The following ARHGEF28 variants were observed in gnomAD, a reference collection of about 807,000 sequenced individuals.
The protein encoded by ARHGEF28 is Rho guanine nucleotide exchange factor 28, also known as 190 kDa guanine nucleotide exchange factor.
ARHGEF28 carries 152 observed loss-of-function variants against 206.6 expected under a neutral mutation model. That is an observed-to-expected ratio of 0.74 (90% CI 0.64 to 0.84). The LOEUF (loss-of-function observed/expected upper bound fraction) is 0.84. Ranked by LOEUF, ARHGEF28 falls within the 40% of genes least tolerant of loss-of-function variation. The pLI is 0.00. For missense variants in ARHGEF28, 2,028 were observed against 2,073.2 expected (o/e 0.98, Z 0.42); for synonymous variants, 763 against 776.4 (o/e 0.98, Z 0.29).
At chr5:73,755,763 C>T (rs58742113) in intron 4 of ARHGEF28, among the ~76,000 whole-genome samples, 18,333 of 152,118 alleles carry the variant, frequency 0.12, 2,543 homozygotes, top group African/African-American at 0.34. Context: ...CGCTTGACAA[C>T]TCATGTTGTC....
chr5:73,906,986 A>G (rs1762591918), intron 33 of ARHGEF28, among the ~76,000 whole-genome samples: 1 of 152,224 alleles, frequency 6.6e-6, no homozygotes, highest in Non-Finnish European at 1.5e-5. Flanking sequence ...CAATAATTAC[A>G]TGAATTTCAT....
chr5:73,767,091 G>A (rs945593527), intron 4 of ARHGEF28, among the ~76,000 whole-genome samples: 9 of 152,224 alleles, frequency 5.9e-5, no homozygotes, highest in African/African-American at 1.7e-4. Context: ...CTCTCTTGCC[G>A]CCACCATGTA....
In ARHGEF28 at chr5:73,870,091, G is replaced by A; in HGVS notation, c.2448G>A (p.Trp816Ter). The A allele has an allele frequency of 6.2e-7, 1 of 1,613,754 alleles. No homozygotes were observed. Among genetic ancestry groups the A allele is most frequent in the Non-Finnish European group, 8.5e-7 (1 of 1,179,828 alleles). The change falls in exon 21 of 36, where the codon TGG becomes TGA. Residue 816 changes from tryptophan to a stop codon, truncating the protein, a stop_gained. Transcript: ENST00000513042. LOFTEE classifies it high-confidence loss of function. ...IMEDVVDSSL[W>*]SDLSSDAQEF... is the part of the protein sequence containing the mutation. ...TAGATGTTGTGGATTCTTCTCTGTG[G>A]AGTGACCTCAGCAGTGATGCCCAGG...
intron 21 of ARHGEF28, among the ~76,000 whole-genome samples, chr5:73,872,074 C>T (rs1221410712): frequency 1.3e-5 from 2 of 152,160 alleles, no homozygotes; most frequent in East Asian, 3.9e-4. Flanking sequence ...AGACTGTTTT[C>T]CAAAGCAGCT....
At chr5:73,793,007 C>T (rs1433933837) in intron 7 of ARHGEF28, among the ~76,000 whole-genome samples, 1 of 152,146 alleles carries the variant, frequency 6.6e-6, no homozygotes, top group Non-Finnish European at 1.5e-5. Flanking sequence ...GGCTGGGTGT[C>T]CACTATGATC....
intron 4 of ARHGEF28, among the ~76,000 whole-genome samples, chr5:73,765,421 A>G (rs1010822428): frequency 1.3e-5 from 2 of 152,258 alleles, no homozygotes; most frequent in African/African-American, 4.8e-5. Context: ...CACGGCTCCC[A>G]GTCAGCCAGC....
intron 35 of ARHGEF28, among the ~76,000 whole-genome samples, chr5:73,921,116 G>A (rs554115534): frequency 5.8e-4 from 88 of 152,268 alleles, no homozygotes; most frequent in African/African-American, 2.0e-3. Flanking sequence ...TATTTGTTTA[G>A]TTAAATATGC....
chr5:73,644,866 T>A (rs757778493), intron 1 of ARHGEF28, among the ~76,000 whole-genome samples: 2 of 152,200 alleles, frequency 1.3e-5, no homozygotes, highest in Non-Finnish European at 2.9e-5. Context: ...TATTTTTTGC[T>A]TAGGAAGATT....
rs558900140 is a variant in ARHGEF28 at position 73,940,196 on chromosome 5, A to C, written c.4949-648A>C. Among the ~76,000 whole-genome samples, 35 of 152,294 alleles carry C rather than the reference A, an allele frequency of 2.3e-4. No homozygotes were observed. The South Asian group carries it at 2.9e-3, about 13-fold the overall frequency. ...TATAATATTAGAGGATTTTATCAGAAAAAGGGAGAATACACAGTGTCCTGC... is the reference window on the plus strand; with the variant it reads ...TATAATATTAGAGGATTTTATCAGACAAAGGGAGAATACACAGTGTCCTGC... On this transcript the variant is annotated intron_variant, in intron 35 of 35. Transcript: ENST00000513042.
intron 4 of ARHGEF28, among the ~76,000 whole-genome samples, chr5:73,769,527 A>G (rs1753100829): frequency 6.6e-6 from 1 of 152,100 alleles, no homozygotes; most frequent in African/African-American, 2.4e-5. Context: ...TTCTGTGTTA[A>G]TCTGTAATTC....
intron 12 of ARHGEF28, 42 bp from the exon 13 acceptor site, chr5:73,848,934 C>A (rs760287408): frequency 7.4e-7 from 1 of 1,356,412 alleles, no homozygotes; most frequent in Non-Finnish European, 1.0e-6. Context: ...TATTTTCAGA[C>A]CATGTATAAA....
chr5:73,901,461 C>T (rs771912684), intron 31 of ARHGEF28, 177 bp downstream of exon 31: 51 of 496,340 alleles, frequency 1.0e-4, no homozygotes, highest in Non-Finnish European at 1.8e-4. Flanking sequence ...AATGTGCTTG[C>T]ACTGCCTGTG....
intron 20 of ARHGEF28, among the ~76,000 whole-genome samples, chr5:73,869,022 C>A (rs1217181153): frequency 6.6e-6 from 1 of 151,958 alleles, no homozygotes; most frequent in Admixed American, 6.6e-5. Flanking sequence ...ACAAGCAGCA[C>A]CAGTAAGAAG....
chr5:73,779,276 G>A lies in ARHGEF28; in HGVS notation c.841-1400G>A, dbSNP rs115518945. ...TTAAATAATAGGCAAACTCGTAGCC[G>A]TATCTTTTAATCACTTTTTAGTTAT... On this transcript the variant is annotated intron_variant, in intron 6 of 35. Coordinates refer to ENST00000513042, the MANE Select transcript of ARHGEF28 (RefSeq NM_001177693.2). Among the ~76,000 whole-genome samples, 325 of 152,282 alleles carry A rather than the reference G, an allele frequency of 2.1e-3. 2 individuals are homozygous for A. Among genetic ancestry groups the A allele is most frequent in the African/African-American group, 7.1e-3 (293 of 41,558 alleles).
chr5:73,931,725 C>T (rs996844721), intron 35 of ARHGEF28, among the ~76,000 whole-genome samples: 1 of 152,056 alleles, frequency 6.6e-6, no homozygotes, highest in African/African-American at 2.4e-5. Flanking sequence ...AAGATAGTAA[C>T]TATGGTTTTT....
chr5:73,828,874 G>A (rs1392754524), intron 9 of ARHGEF28, among the ~76,000 whole-genome samples: 1 of 151,624 alleles, frequency 6.6e-6, no homozygotes, highest in Non-Finnish European at 1.5e-5. Context: ...AGGCTGGAGT[G>A]TAGTGGCGCT....
chr5:73,735,666 T>C (rs1750877155), intron 2 of ARHGEF28, among the ~76,000 whole-genome samples: 2 of 152,192 alleles, frequency 1.3e-5, no homozygotes, highest in South Asian at 2.1e-4. Context: ...AGACTGGTCT[T>C]TGTAAAATGC....
rs770141579 is a variant in ARHGEF28 at position 73,909,884 on chromosome 5, C to T, written c.4634C>T (p.Pro1545Leu). 97 of 1,511,606 alleles carry T rather than the reference C, an allele frequency of 6.4e-5. No individual in the cohort carries two copies. The highest frequency in any genetic ancestry group is 8.0e-5 in the Non-Finnish European group (92 of 1,143,088). 93.6% of individuals were successfully genotyped at this position (1,511,606 alleles called of 1,614,324 possible). The change falls in exon 34 of 36, where the codon CCG becomes CTG. Residue 1545 changes from proline (P) to leucine (L), a missense_variant. By Grantham distance (98) the Pro-to-Leu change is moderately conservative. Coordinates refer to ENST00000513042, the MANE Select transcript of ARHGEF28 (RefSeq NM_001177693.2). ...AGGAGCCTGCCCGCGGTGCTCCTTC[C>T]GGGTGGCCCCGAGGTATGGACCTTC... ...RQRSLPAVLL[P>L]GGPEVMELNR...
intron 1 of ARHGEF28, among the ~76,000 whole-genome samples, chr5:73,643,205 T>G (rs72770805): frequency 2.8e-3 from 426 of 152,370 alleles, no homozygotes; most frequent in Middle Eastern, 6.8e-3. Context: ...ACTTTAAATC[T>G]GTCATTCTGT....
Sources: allele counts gnomAD v4.1 joint callset (sites outside exome capture counted in the v4.1 genomes callset), GRCh38; gene constraint gnomAD v4.1.1; transcripts MANE v1.5; gene names NCBI Gene and HGNC (gene_info 2026-07-23, HGNC 2026-07-21).